Variants in PRDM16 observed in about 807,000 individuals in gnomAD.
PRDM16 encodes the protein PR/SET domain 16, also known as histone-lysine N-methyltransferase PRDM16.
Under a neutral mutation model 110.6 loss-of-function variants are expected in PRDM16, and 23 were observed. The ratio of observed to expected loss-of-function variants is 0.21; its 90% CI spans 0.15 to 0.29. PRDM16 has a LOEUF of 0.29. Among genes scored for constraint, PRDM16 ranks in the 10% least tolerant of loss-of-function variants. The pLI is 1.00. For synonymous variants in PRDM16, 799 were observed against 781.8 expected, an observed-to-expected ratio of 1.02 and a Z score of -0.37; for missense variants, 1,615 against 1,794.3, an observed-to-expected ratio of 0.90 and a Z score of 1.81.
In PRDM16 at chr1:3,390,060, G is replaced by A. The variant is rs1459412533; in HGVS notation, c.573+4774G>A. 6.7e-6 allele frequency among the ~76,000 whole-genome samples: 1 copy of A among 150,012 alleles called. No individual in the cohort carries two copies. Among genetic ancestry groups the A allele is most frequent in the African/African-American group, 2.4e-5 (1 of 40,958 alleles). The stretch of plus-strand genomic sequence containing the variant: ...CCTGTAATTATGAACAAATGAGCTG[G>A]TTTGAAATGTTTCAGGAGACACAGA... On this transcript the variant is annotated intron_variant, in intron 4 of 16. Transcript: ENST00000270722. The surrounding 1 kb of genome is among the most constrained non-coding windows in gnomAD (Gnocchi z 5.0).
intron 3 of PRDM16, among the ~76,000 whole-genome samples, chr1:3,361,063 C>T (rs550920811): frequency 1.3e-5 from 2 of 152,340 alleles, no homozygotes; most frequent in East Asian, 1.9e-4. Context: ...GAACAGCGTT[C>T]CATTGAGCGC....
intron 3 of PRDM16, among the ~76,000 whole-genome samples, chr1:3,283,002 TC>T (rs1198324770): frequency 6.6e-6 from 1 of 152,096 alleles, no homozygotes; most frequent in African/African-American, 2.4e-5. Context: ...CAGTGCAGAG[TC>T]AATGCTGCAG....
At chr1:3,237,548 C>T (rs1322844486) in intron 2 of PRDM16, among the ~76,000 whole-genome samples, 1 of 152,216 alleles carries the variant, frequency 6.6e-6, no homozygotes, top group Non-Finnish European at 1.5e-5. Flanking sequence ...AGGCACTCTC[C>T]GTGGGGCAGT....
At chr1:3,422,986 G>T (rs971786054) in intron 12 of PRDM16, among the ~76,000 whole-genome samples, 6 of 152,226 alleles carry the variant, frequency 3.9e-5, no homozygotes, top group Admixed American at 6.5e-5. Context: ...GGTCACTTCG[G>T]GGAGCTCAGG....
intron 3 of PRDM16, among the ~76,000 whole-genome samples, chr1:3,365,435 G>T (rs1013185869): frequency 1.3e-5 from 2 of 152,184 alleles, no homozygotes; most frequent in Non-Finnish European, 2.9e-5. Context: ...GGACCTCCTG[G>T]CCAATACAAG....
rs1569953657 is a variant in PRDM16, at chr1:3,265,118, A to G, written c.438+20981A>G. 6.6e-6 allele frequency among the ~76,000 whole-genome samples: 1 copy of G among 152,188 alleles called. No individual in the cohort carries two copies. The highest frequency in any genetic ancestry group is 1.5e-5 in the Non-Finnish European group (1 of 67,982). On this transcript the variant is annotated intron_variant, in intron 3 of 16. Coordinates refer to ENST00000270722, the MANE Select transcript of PRDM16 (RefSeq NM_022114.4). The surrounding 1 kb of genome is among the most constrained non-coding windows in gnomAD (Gnocchi z 4.5). Reference sequence around the variant, plus strand: ...CAGGGAGGCGGGAGGCAGCCCTGGAATCCCTGGTGCCACCTATTGAGGCCG... The same window carrying G: ...CAGGGAGGCGGGAGGCAGCCCTGGAGTCCCTGGTGCCACCTATTGAGGCCG...
At chr1:3,394,089 AG>A (rs1643345035) in intron 4 of PRDM16, among the ~76,000 whole-genome samples, 1 of 151,380 alleles carries the variant, frequency 6.6e-6, no homozygotes, top group Non-Finnish European at 1.5e-5. Context: ...GTGGGGTCCC[AG>A]GAGACACCGG....
At chr1:3,416,343 G>A (rs1216161203) in intron 10 of PRDM16, among the ~76,000 whole-genome samples, 1 of 152,204 alleles carries the variant, frequency 6.6e-6, no homozygotes, top group Non-Finnish European at 1.5e-5. Context: ...AGAGACCCCA[G>A]CCGCGTGATG....
chr1:3,079,959 G>A lies in PRDM16; in HGVS notation c.37+10663G>A, dbSNP rs376866364. 1.1e-4 allele frequency among the ~76,000 whole-genome samples: 16 copies of A among 152,340 alleles called. No individual in the cohort carries two copies. The East Asian group carries it at 1.9e-3, about 18-fold the overall frequency. On this transcript the variant is annotated intron_variant, in intron 1 of 16. Coordinates refer to ENST00000270722, the MANE Select transcript of PRDM16 (RefSeq NM_022114.4). ...ACCTCGGTCCTTAGCCCTCCGTGGC[G>A]CCAGAGTTGGTTGCCTCAGTAGCGC...
intron 1 of PRDM16, among the ~76,000 whole-genome samples, chr1:3,070,233 C>T (rs1269837983): frequency 6.6e-6 from 1 of 150,988 alleles, no homozygotes; most frequent in Non-Finnish European, 1.5e-5. Context: ...CGCTCCGTCT[C>T]GGCCGAGCCC....
At chr1:3,103,893 A>G (rs1267367400) in intron 1 of PRDM16, among the ~76,000 whole-genome samples, 1 of 152,228 alleles carries the variant, frequency 6.6e-6, no homozygotes, top group Non-Finnish European at 1.5e-5. Context: ...TGTTTTTTAA[A>G]AAATAAAGAA....
intron 3 of PRDM16, among the ~76,000 whole-genome samples, chr1:3,351,500 G>C (rs1405848351): frequency 2.6e-5 from 2 of 76,840 alleles, no homozygotes; most frequent in African/African-American, 1.1e-4. Context: ...TGGGCCCTCA[G>C]CTCACTGTGT....
intron 1 of PRDM16, among the ~76,000 whole-genome samples, chr1:3,095,890 T>C (rs895646147): frequency 2.6e-5 from 4 of 152,068 alleles, no homozygotes; most frequent in African/African-American, 9.7e-5. Flanking sequence ...AGGGTGGCCT[T>C]TGCCTGCAGC....
Position 3,438,529 on chromosome 1 carries a change from T to C in PRDM16, c.*4718T>C, listed in dbSNP as rs1342651146. On this transcript the variant is annotated 3_prime_UTR_variant, in exon 17 of 17. Coordinates refer to ENST00000270722, the MANE Select transcript of PRDM16 (RefSeq NM_022114.4). Reference sequence around the variant, plus strand: ...GAAGCCGATTTGGAGGTTAATGCTGTAGAATAGGACTGTATACCAAATGTA... The same window carrying C: ...GAAGCCGATTTGGAGGTTAATGCTGCAGAATAGGACTGTATACCAAATGTA... 1 of 203,774 alleles carries C rather than the reference T, an allele frequency of 4.9e-6. No homozygotes were observed. The highest frequency in any genetic ancestry group is 1.0e-5 in the Non-Finnish European group (1 of 99,480). 12.6% of individuals were successfully genotyped at this position (203,774 alleles called of 1,614,324 possible).
chr1:3,347,578 G>C (rs183878817), intron 3 of PRDM16, among the ~76,000 whole-genome samples: 4 of 152,354 alleles, frequency 2.6e-5, no homozygotes, highest in Admixed American at 2.6e-4. Context: ...GGGCAGAGCC[G>C]TCTCTCACTG....
Position 3,431,226 on chromosome 1 carries a change from C to T in PRDM16, c.3521+118C>T, listed in dbSNP as rs993804591. 5 of 1,442,874 alleles carry T rather than the reference C, an allele frequency of 3.5e-6. No homozygotes were observed. In the African/African-American group the frequency reaches 7.0e-5, roughly 20 times the overall value. 89.4% of individuals were successfully genotyped at this position (1,442,874 alleles called of 1,614,324 possible). On this transcript the variant is annotated intron_variant, in intron 15 of 16. Transcript: ENST00000270722. ...ATCCCTGGCTCAGCCCCTACTCCAG[C>T]ACAGCCACCTCAGGGCCTCCACACA...
intron 2 of PRDM16, among the ~76,000 whole-genome samples, chr1:3,192,305 G>A (rs1638332541): frequency 6.6e-6 from 1 of 152,194 alleles, no homozygotes; most frequent in Non-Finnish European, 1.5e-5. Context: ...TTGGGTGCCT[G>A]CAGGCCTTGC....
chr1:3,186,150 G>A lies in PRDM16; in HGVS notation c.63G>A (p.Met21Ile), dbSNP rs746620520. The change falls in exon 2 of 17, where the codon ATG becomes ATA. Residue 21 changes from methionine (M) to isoleucine (I), a missense_variant. This residue lies in a region of PRDM16 where 416 missense variants were observed against 467.1 expected (regional missense o/e 0.89). Coordinates refer to ENST00000270722, the MANE Select transcript of PRDM16 (RefSeq NM_022114.4). ...GTGACGGTGACGTTGTAAATAATAT[G>A]TATGAGCCCAACCGGGACCTGCTGG... ...AKSDGDVVNN[M>I]YEPNRDLLAS... 6 of 1,612,786 alleles carry A rather than the reference G, an allele frequency of 3.7e-6. No homozygotes were observed. The highest frequency in any genetic ancestry group is 5.1e-6 in the Non-Finnish European group (6 of 1,179,922).
chr1:3,169,318 G>C (rs1008156937), intron 1 of PRDM16, among the ~76,000 whole-genome samples: 16 of 152,150 alleles, frequency 1.1e-4, no homozygotes, highest in Admixed American at 6.5e-5. Flanking sequence ...CCTAGGGTTA[G>C]AAAACACTCC....
Sources: allele counts gnomAD v4.1 joint callset (sites outside exome capture counted in the v4.1 genomes callset), GRCh38; gene constraint gnomAD v4.1.1; regional missense constraint gnomAD v4.1.1; non-coding constraint Gnocchi (gnomAD v3.1); transcripts MANE v1.5; gene names NCBI Gene and HGNC (gene_info 2026-07-23, HGNC 2026-07-21).